The following AGBL1 variants were observed in gnomAD, a reference collection of about 807,000 sequenced individuals.
AGBL1 encodes the protein cytosolic carboxypeptidase 4.
In AGBL1, 130 loss-of-function variants were observed where a neutral mutation model predicts 118.9. The observed-to-expected ratio is 1.09, with a 90% CI of 0.95 to 1.26. The LOEUF (loss-of-function observed/expected upper bound fraction) is 1.26. Among genes scored for constraint, AGBL1 ranks in the 50% most tolerant of loss-of-function variants. The pLI is 0.00. For missense variants in AGBL1, 1,584 were observed against 1,298.1 expected, an observed-to-expected ratio of 1.22 and a Z score of -3.38; for synonymous variants, 555 against 478.9, an observed-to-expected ratio of 1.16 and a Z score of -2.08.
chr15:86,854,262 C>A (rs142262768), intron 22 of AGBL1, among the ~76,000 whole-genome samples: 2 of 152,146 alleles, frequency 1.3e-5, no homozygotes, highest in African/African-American at 4.8e-5. Flanking sequence ...TACAGGCCAG[C>A]GTAACTCAGA....
intron 17 of AGBL1, among the ~76,000 whole-genome samples, chr15:86,394,209 T>C (rs2081330099): frequency 6.6e-6 from 1 of 152,112 alleles, no homozygotes; most frequent in Non-Finnish European, 1.5e-5. Flanking sequence ...GCTCCTAAAG[T>C]TGTTCTCTAA....
At chr15:86,715,532 A>G (rs1042508900) in intron 22 of AGBL1, among the ~76,000 whole-genome samples, 10 of 152,162 alleles carry the variant, frequency 6.6e-5, no homozygotes, top group African/African-American at 1.9e-4. Flanking sequence ...TCTTTAGCAA[A>G]TAGAATAGTT....
chr15:86,992,872 C>G (rs1420002245), intron 24 of AGBL1, among the ~76,000 whole-genome samples: 1 of 152,148 alleles, frequency 6.6e-6, no homozygotes, highest in East Asian at 1.9e-4. Flanking sequence ...CCATTGTTAT[C>G]TAGTCATAGT....
chr15:86,812,702 C>T (rs140387491), intron 22 of AGBL1, among the ~76,000 whole-genome samples: 1 of 152,286 alleles, frequency 6.6e-6, no homozygotes, highest in East Asian at 1.9e-4. Flanking sequence ...CCTCCCACCG[C>T]ACAGCCATGC....
intron 5 of AGBL1, among the ~76,000 whole-genome samples, chr15:86,199,239 C>T (rs1160689613): frequency 6.6e-6 from 1 of 152,024 alleles, no homozygotes; most frequent in Non-Finnish European, 1.5e-5. Flanking sequence ...TATTATAATT[C>T]TTTCAACCAC....
chr15:86,276,431 TACTC>T (rs2079252488), intron 15 of AGBL1, among the ~76,000 whole-genome samples: 1 of 152,226 alleles, frequency 6.6e-6, no homozygotes, highest in African/African-American at 2.4e-5. Context: ...TGTGTAATAA[TACTC>T]ACCTTGAAAG....
intron 5 of AGBL1, among the ~76,000 whole-genome samples, chr15:86,202,457 G>A (rs1597542659): frequency 1.3e-5 from 2 of 152,152 alleles, no homozygotes; most frequent in Non-Finnish European, 2.9e-5. Flanking sequence ...CACTGAAAAA[G>A]TTAATCTTCT....
At chr15:86,805,858 C>T (rs2078707801) in intron 22 of AGBL1, among the ~76,000 whole-genome samples, 1 of 152,098 alleles carries the variant, frequency 6.6e-6, no homozygotes, top group South Asian at 2.1e-4. Context: ...ATGAATAAGT[C>T]CTAATCAGTT....
chr15:86,337,372 G>A (rs979485572), intron 17 of AGBL1, among the ~76,000 whole-genome samples: 6 of 152,162 alleles, frequency 3.9e-5, no homozygotes, highest in Non-Finnish European at 7.4e-5. Flanking sequence ...AAGAAGGAAG[G>A]AAGGAATGAG....
chr15:86,226,976 G>T (rs2078375391), intron 6 of AGBL1, among the ~76,000 whole-genome samples: 1 of 152,194 alleles, frequency 6.6e-6, no homozygotes, highest in Non-Finnish European at 1.5e-5. Flanking sequence ...TCAGCACAAT[G>T]AAAATCCTGA....
chr15:86,219,843 A>T (rs190538039), intron 5 of AGBL1, among the ~76,000 whole-genome samples: 90 of 151,246 alleles, frequency 6.0e-4, no homozygotes, highest in African/African-American at 2.1e-3. Flanking sequence ...GCACAGAGAG[A>T]TATTTTAGAT....
At chr15:86,440,622 A>T (rs2082052539) in intron 18 of AGBL1, among the ~76,000 whole-genome samples, 1 of 152,086 alleles carries the variant, frequency 6.6e-6, no homozygotes, top group Non-Finnish European at 1.5e-5. Flanking sequence ...TTCTTACTAG[A>T]CAAGGAAATG....
intron 22 of AGBL1, among the ~76,000 whole-genome samples, chr15:86,727,881 G>A (rs1266555249): frequency 4.6e-5 from 7 of 152,144 alleles, no homozygotes; most frequent in Non-Finnish European, 8.8e-5. Flanking sequence ...GAATTTACTC[G>A]GAAATATAAG....
At chr15:86,935,845 G>A (rs1465989366) in intron 23 of AGBL1, among the ~76,000 whole-genome samples, 5 of 152,242 alleles carry the variant, frequency 3.3e-5, no homozygotes, top group African/African-American at 1.2e-4. Flanking sequence ...AAATGTGCCT[G>A]TAAAAATGGC....
chr15:86,284,817 G>A (rs1567177645), intron 16 of AGBL1, among the ~76,000 whole-genome samples: 1 of 152,202 alleles, frequency 6.6e-6, no homozygotes, highest in Non-Finnish European at 1.5e-5. Flanking sequence ...AGTTGATAAA[G>A]GAAAGGGAGA....
At chr15:86,352,499 T>G (rs1423542080) in intron 17 of AGBL1, among the ~76,000 whole-genome samples, 2 of 151,726 alleles carry the variant, frequency 1.3e-5, no homozygotes, top group African/African-American at 2.4e-5. Context: ...TTTTTTGGAA[T>G]GGAGTCTTGG....
chr15:86,340,493 C>T (rs1326748901), intron 17 of AGBL1, among the ~76,000 whole-genome samples: 1 of 152,016 alleles, frequency 6.6e-6, no homozygotes, highest in Non-Finnish European at 1.5e-5. Context: ...GAATGCAGAG[C>T]CCAAGATTAG....
At chr15:86,729,675 C>A (rs1428688104) in intron 22 of AGBL1, among the ~76,000 whole-genome samples, 1 of 152,178 alleles carries the variant, frequency 6.6e-6, no homozygotes, top group Non-Finnish European at 1.5e-5. Flanking sequence ...GTCCAGCCCA[C>A]TGTTGAGCAT....
chr15:86,329,630 G>C (rs1458645571), intron 17 of AGBL1, among the ~76,000 whole-genome samples: 3 of 151,796 alleles, frequency 2.0e-5, no homozygotes, highest in African/African-American at 7.3e-5. Context: ...CCTGGACATA[G>C]ATCATGGTGC....
Sources: gnomAD v4.1 joint callset for allele counts (sites outside exome capture counted in the v4.1 genomes callset) on GRCh38, gnomAD v4.1.1 for gene constraint, MANE v1.5 for transcripts, NCBI Gene and HGNC (gene_info 2026-07-23, HGNC 2026-07-21) for gene names.